KDM6A: variants seen among roughly 807,000 people sequenced by gnomAD.
KDM6A encodes the protein lysine-specific demethylase 6A.
KDM6A carries 11 observed loss-of-function variants against 117.6 expected under a neutral mutation model. The ratio of observed to expected loss-of-function variants is 0.09; its 90% CI spans 0.06 to 0.15. The LOEUF (loss-of-function observed/expected upper bound fraction) is 0.15. KDM6A is among the 10% of genes least tolerant of loss of function. KDM6A has a pLI of 1.00. For synonymous variants in KDM6A, 384 were observed against 396.1 expected (o/e 0.97, Z 0.36); for missense variants, 799 against 1,077.3 (o/e 0.74, Z 3.62).
At chrX:44,999,305 C>A (rs1469157700) in intron 4 of KDM6A, among the ~76,000 whole-genome samples, 1 of 112,072 alleles carries the variant, frequency 8.9e-6, no homozygotes, top group Non-Finnish European at 1.9e-5. Context: ...CACACTTGGA[C>A]AAGGGAGGGG....
At chrX:45,020,568 C>T (rs752753242) in intron 5 of KDM6A, 42 bp from the exon 6 acceptor site, 21 of 1,174,137 alleles carry the variant, frequency 1.8e-5, no homozygotes, top group South Asian at 7.2e-5. Flanking sequence ...AATTCATGCA[C>T]GTGTTAAAAA....
chrX:44,889,882 T>C (rs890164245), intron 2 of KDM6A, among the ~76,000 whole-genome samples: 3 of 112,355 alleles, frequency 2.7e-5, no homozygotes, highest in African/African-American at 9.7e-5. Flanking sequence ...ATTGTAGATT[T>C]ATATGCATTT....
At chrX:44,971,057 C>T (rs1322612243) in intron 3 of KDM6A, among the ~76,000 whole-genome samples, 2 of 110,905 alleles carry the variant, frequency 1.8e-5, no homozygotes, top group East Asian at 5.6e-4. Context: ...AAATCAATAA[C>T]GGGGATTGAG....
intron 4 of KDM6A, among the ~76,000 whole-genome samples, chrX:44,979,348 T>C (rs1285809118): frequency 9.1e-6 from 1 of 109,726 alleles, no homozygotes; most frequent in Admixed American, 9.8e-5. Flanking sequence ...TCTCCTTCCC[T>C]TCCTCCTCTC....
At chrX:45,012,065 G>T in intron 5 of KDM6A, among the ~76,000 whole-genome samples, 1 of 110,896 alleles carries the variant, frequency 9.0e-6, no homozygotes, top group Admixed American at 9.6e-5. Flanking sequence ...GAGATTTACA[G>T]GCATGAGCCC....
intron 27 of KDM6A, chrX:45,106,751 G>A: frequency 7.2e-6 from 2 of 278,963 alleles, no homozygotes; most frequent in South Asian, 3.7e-5. Context: ...CTAAGTATGA[G>A]TTTAGAAAAG....
intron 4 of KDM6A, among the ~76,000 whole-genome samples, chrX:44,982,333 AT>A (rs1189653980): frequency 1.5e-4 from 17 of 111,279 alleles, no homozygotes; most frequent in Non-Finnish European, 2.8e-4. Context: ...TCAATTCATT[AT>A]TTTTTTATAA....
At position 45,069,721 on chromosome X, in the gene KDM6A, C is replaced by T. The variant is rs2148038038; in HGVS notation, c.2222C>T (p.Ser741Leu). 1 of 1,209,787 alleles carries T rather than the reference C, an allele frequency of 8.3e-7. No homozygotes were observed. Among genetic ancestry groups the T allele is most frequent in the Non-Finnish European group, 1.1e-6 (1 of 894,667 alleles). Residue 741 changes from serine (S) to leucine (L), a missense_variant, in exon 18 of 30, where the codon TCA (serine) becomes TTA (leucine). Around this residue, in one of 8 missense-constraint regions of KDM6A, gnomAD observed 301 missense variants for 318.3 expected, o/e 0.95. Transcript: ENST00000611820. ...GGACATCCCACCCTGCCTAGCAATT[C>T]AGTAACACAGGGGGCTGCTCTCAAT... is the stretch of plus-strand genomic sequence containing the variant. ...QNGHPTLPSN[S>L]VTQGAALNHL...
chrX:44,900,832 G>T (rs1418147715), intron 2 of KDM6A, among the ~76,000 whole-genome samples: 1 of 111,840 alleles, frequency 8.9e-6, no homozygotes, highest in Non-Finnish European at 1.9e-5. Flanking sequence ...GGGAGGTGGA[G>T]ATCGTGTCAC....
chrX:45,106,545 A>G (rs908641288), intron 27 of KDM6A: 1 of 342,032 alleles, frequency 2.9e-6, no homozygotes. Context: ...TCTTTAGGAT[A>G]TTTTCATTGT....
intron 6 of KDM6A, among the ~76,000 whole-genome samples, chrX:45,030,529 A>G (rs961499573): frequency 3.7e-5 from 4 of 107,202 alleles, no homozygotes; most frequent in Admixed American, 2.0e-4. Flanking sequence ...TTGACCAGGA[A>G]CGTGGCTCAC....
chrX:44,964,566 T>C (rs2038910413), intron 3 of KDM6A, among the ~76,000 whole-genome samples: 1 of 111,161 alleles, frequency 9.0e-6, no homozygotes, highest in South Asian at 3.8e-4. Context: ...TACATCTCCA[T>C]CAGAGCTCTT....
intron 2 of KDM6A, among the ~76,000 whole-genome samples, chrX:44,898,939 GT>G (rs1329915688): frequency 9.5e-6 from 1 of 104,871 alleles, no homozygotes; most frequent in African/African-American, 3.5e-5. Flanking sequence ...GGTGGTGGTG[GT>G]GGGGGGGTGT....
intron 2 of KDM6A, among the ~76,000 whole-genome samples, chrX:44,953,531 T>TA (rs1361647024): frequency 3.6e-5 from 4 of 112,021 alleles, no homozygotes; most frequent in African/African-American, 1.3e-4. Context: ...GTAGGAAAAG[T>TA]ATATGTGCTT....
Position 44,929,228 on chromosome X carries a change from G to T in KDM6A, c.226-32056G>T, listed in dbSNP as rs868022866. On this transcript the variant is annotated intron_variant, in intron 2 of 29. Transcript: ENST00000611820. ...AAGTCATTTTACTATGTTTTAAAAA[G>T]AAATGTCTAAGGGACTTTTTTTTTT... 1.1e-4 allele frequency among the ~76,000 whole-genome samples: 11 copies of T among 104,029 alleles called. No homozygotes were observed. The Middle Eastern group carries it at 0.026, about 241-fold the overall frequency. The allele number at this position is 104,029 out of a possible 115,157, so 90.3% of individuals were successfully genotyped here.
At chrX:45,044,726 G>C (rs929807245) in intron 8 of KDM6A, among the ~76,000 whole-genome samples, 1 of 111,691 alleles carries the variant, frequency 9.0e-6, no homozygotes. Context: ...GTATCAGTAC[G>C]TGTAGAGCTG....
Position 44,946,032 on chromosome X carries a change from A to G in KDM6A, c.226-15252A>G, listed in dbSNP as rs766063697. On this transcript the variant is annotated intron_variant, in intron 2 of 29. Transcript: ENST00000611820. ...GCAACTATTTGTCCTTTGATCTTTT[A>G]TTATGAAGAATTTGTGTTTTGCTTT... Among the ~76,000 whole-genome samples the G allele has an allele frequency of 2.7e-5, 3 of 112,449 alleles. No individual in the cohort carries two copies. In the South Asian group the frequency reaches 1.1e-3, roughly 41 times the overall value.
intron 2 of KDM6A, among the ~76,000 whole-genome samples, chrX:44,952,211 G>C (rs926653373): frequency 9.1e-6 from 1 of 110,254 alleles, no homozygotes; most frequent in Middle Eastern, 4.3e-3. Context: ...CAGAGTAGTA[G>C]GCCCAAAGAG....
intron 4 of KDM6A, among the ~76,000 whole-genome samples, chrX:44,989,557 A>G (rs1170327302): frequency 3.6e-5 from 4 of 111,206 alleles, no homozygotes; most frequent in Non-Finnish European, 7.5e-5. Context: ...CCGCTCTCCC[A>G]TATTTCTATG....
Sources: allele counts gnomAD v4.1 joint callset (sites outside exome capture counted in the v4.1 genomes callset), GRCh38; gene constraint gnomAD v4.1.1; regional missense constraint gnomAD v4.1.1; transcripts MANE v1.5; gene names NCBI Gene and HGNC (gene_info 2026-07-23, HGNC 2026-07-21).